The following CMTM2 variants were observed in gnomAD, a reference collection of about 807,000 sequenced individuals.
The protein encoded by CMTM2 is CKLF-like MARVEL transmembrane domain-containing protein 2.
In CMTM2, 15 loss-of-function variants were observed where a neutral mutation model predicts 16.8. The ratio of observed to expected loss-of-function variants is 0.89; its 90% CI spans 0.60 to 1.37. CMTM2 has a LOEUF of 1.37. Ranked by LOEUF, CMTM2 falls within the 40% of genes most tolerant of loss-of-function variation. The pLI, the probability that CMTM2 is intolerant of heterozygous loss-of-function variation, is 0.00. For missense variants in CMTM2, 282 were observed against 318.0 expected (o/e 0.89, Z 0.86); for synonymous variants, 117 against 118.7 (o/e 0.99, Z 0.09).
Position 66,588,075 on chromosome 16 carries a change from C to G in CMTM2, c.703C>G (p.Pro235Ala), listed in dbSNP as rs767327042. 6.2e-7 allele frequency: 1 copy of G among 1,613,250 alleles called. No individual in the cohort carries two copies. The highest frequency in any genetic ancestry group is 8.5e-7 in the Non-Finnish European group (1 of 1,180,028). ...QGKGPEPAKP[P>A]EPGKPPGPAK... ...CAAGGGACCAGAACCCGCCAAGCCA[C>G]CAGAACCTGGCAAGCCACCAGGGCC... Residue 235 changes from proline to alanine, a missense_variant, in exon 4 of 4, where the codon CCA becomes GCA. Coordinates refer to ENST00000268595, the MANE Select transcript of CMTM2 (RefSeq NM_144673.3).
At chr16:66,587,806 G>A in intron 3 of CMTM2, 113 bp from the exon 4 acceptor site, 1 of 1,037,768 alleles carries the variant, frequency 9.6e-7, no homozygotes. Flanking sequence ...TGACATTTGA[G>A]GGGACATGGG....
chr16:66,587,176 G>A, intron 3 of CMTM2, 78 bp downstream of exon 3: 1 of 1,161,604 alleles, frequency 8.6e-7, no homozygotes, highest in Non-Finnish European at 1.3e-6. Context: ...CTCTGTTTAA[G>A]GAAAGGGCTT....
Position 66,585,188 on chromosome 16 carries a change from C to T in CMTM2, c.445-1809C>T, listed in dbSNP as rs1245838938. 5.9e-5 allele frequency among the ~76,000 whole-genome samples: 9 copies of T among 152,246 alleles called. No homozygotes were observed. The East Asian group carries it at 1.4e-3, about 23-fold the overall frequency. On this transcript the variant is annotated intron_variant, in intron 2 of 3. Transcript: ENST00000268595. ...CTCGAACTCCCAACCTCAGGTGATC[C>T]GCCCGCCTCAGCCTCCCAAAGTGCT... is the stretch of plus-strand genomic sequence containing the variant.
intron 2 of CMTM2, among the ~76,000 whole-genome samples, chr16:66,586,348 T>G (rs139839586): frequency 6.6e-6 from 1 of 152,224 alleles, no homozygotes; most frequent in Non-Finnish European, 1.5e-5. Context: ...TTTATTTAAA[T>G]GTGTATTGGC....
chr16:66,579,822 G>A lies in CMTM2; in HGVS notation c.215G>A (p.Arg72Gln), dbSNP rs772287237. 14 of 1,613,758 alleles carry A rather than the reference G, an allele frequency of 8.7e-6. No homozygotes were observed. Among genetic ancestry groups the A allele is most frequent in the Middle Eastern group, 1.6e-4 (1 of 6,082 alleles). The change falls in exon 1 of 4, where the codon CGG becomes CAG. Residue 72 changes from arginine to glutamine, a missense_variant. Coordinates refer to ENST00000268595, the MANE Select transcript of CMTM2 (RefSeq NM_144673.3). This position sits in a 1 kb window ranked among gnomAD's most constrained non-coding sequence, Gnocchi z 6.5. ...VGTRRGCRRYRWELKDSNKEF... is the reference protein window; with the variant it reads ...VGTRRGCRRYQWELKDSNKEF... Reference sequence around the variant, plus strand: ...ACGAGGAGGGGGTGTCGCCGCTACCGGTGGGAATTAAAAGACAGCAATAAA... The same window carrying A: ...ACGAGGAGGGGGTGTCGCCGCTACCAGTGGGAATTAAAAGACAGCAATAAA...
intron 3 of CMTM2, 56 bp from the exon 4 acceptor site, chr16:66,587,854 CAGGAGGGAA>C: frequency 6.5e-7 from 1 of 1,528,612 alleles, no homozygotes; most frequent in Non-Finnish European, 9.0e-7. Flanking sequence ...AATGAGAAAC[CAGGAGGGAA>C]ACTCACCACC....
intron 2 of CMTM2, among the ~76,000 whole-genome samples, chr16:66,586,360 G>A (rs922019272): frequency 1.3e-5 from 2 of 152,140 alleles, no homozygotes; most frequent in Non-Finnish European, 2.9e-5. Flanking sequence ...TGTATTGGCT[G>A]GGCGCTGTGG....
intron 2 of CMTM2, among the ~76,000 whole-genome samples, chr16:66,584,754 G>A (rs1164744609): frequency 6.6e-6 from 1 of 152,066 alleles, no homozygotes; most frequent in Non-Finnish European, 1.5e-5. Context: ...GGAAGGGAGG[G>A]AGAGAGACAG....
rs1567382495 is a variant in CMTM2, at chr16:66,579,824, T to C, written c.217T>C (p.Trp73Arg). ...GAGGAGGGGGTGTCGCCGCTACCGG[T>C]GGGAATTAAAAGACAGCAATAAAGA... is the stretch of plus-strand genomic sequence containing the variant. ...GTRRGCRRYR[W>R]ELKDSNKEFW... The change falls in exon 1 of 4, where the codon TGG becomes CGG. Residue 73 changes from tryptophan to arginine, a missense_variant. Transcript: ENST00000268595. This position sits in a 1 kb window ranked among gnomAD's most constrained non-coding sequence, Gnocchi z 6.5. The C allele has an allele frequency of 6.2e-7, 1 of 1,612,024 alleles. No individual in the cohort carries two copies. The highest frequency in any genetic ancestry group is 1.3e-5 in the African/African-American group (1 of 74,158).
chr16:66,582,128 A>C (rs2014742390), intron 2 of CMTM2, among the ~76,000 whole-genome samples: 1 of 152,254 alleles, frequency 6.6e-6, no homozygotes, highest in Non-Finnish European at 1.5e-5. Flanking sequence ...AGCTGTCTGA[A>C]AATAATAATA....
intron 2 of CMTM2, among the ~76,000 whole-genome samples, chr16:66,583,477 G>A (rs1403339718): frequency 4.0e-5 from 6 of 151,564 alleles, no homozygotes; most frequent in African/African-American, 9.7e-5. Context: ...GGGTGACAGA[G>A]CGAGACTGTC....
intron 2 of CMTM2, among the ~76,000 whole-genome samples, chr16:66,583,096 G>C (rs1034568730): frequency 3.9e-5 from 6 of 152,196 alleles, no homozygotes; most frequent in Admixed American, 6.5e-5. Context: ...GAAAATCTAA[G>C]AGAATCTACA....
rs749149673 is a variant in CMTM2, at chr16:66,580,068, G to A, written c.328G>A (p.Val110Met). 23 of 1,614,056 alleles carry A rather than the reference G, an allele frequency of 1.4e-5. No individual in the cohort carries two copies. The highest frequency in any genetic ancestry group is 2.2e-5 in the East Asian group (1 of 44,886). Reference sequence around the variant, plus strand: ...AATGATACTGTTGTCCTCACTCACCGTGCACCCCATCTTGAGGCTTATCAT... The same window carrying A: ...AATGATACTGTTGTCCTCACTCACCATGCACCCCATCTTGAGGCTTATCAT... The part of the protein sequence containing the change: ...AAMILLSSLT[V>M]HPILRLIITM... Residue 110 changes from valine to methionine, a missense_variant, in exon 2 of 4, where the codon GTG becomes ATG. By Grantham distance (21) the Val-to-Met change is conservative (BLOSUM62 1). Transcript: ENST00000268595.
chr16:66,583,327 A>G (rs2014756236), intron 2 of CMTM2, among the ~76,000 whole-genome samples: 1 of 152,152 alleles, frequency 6.6e-6, no homozygotes, highest in African/African-American at 2.4e-5. Context: ...CACCAGCTCT[A>G]CTAAAAATAC....
intron 2 of CMTM2, among the ~76,000 whole-genome samples, chr16:66,584,344 T>TAAG (rs71691538): frequency 0.062 from 9,496 of 152,208 alleles, 463 homozygotes; most frequent in East Asian, 0.12. Context: ...AGTATCTTTA[T>TAAG]AAGAGAGCAG....
At chr16:66,587,356 C>A (rs908385412) in intron 3 of CMTM2, among the ~76,000 whole-genome samples, 4 of 151,924 alleles carry the variant, frequency 2.6e-5, no homozygotes, top group Non-Finnish European at 4.4e-5. Context: ...TACAAAAACA[C>A]AAAATTTACA....
chr16:66,583,535 C>T (rs1032448707), intron 2 of CMTM2, among the ~76,000 whole-genome samples: 1 of 150,334 alleles, frequency 6.7e-6, no homozygotes, highest in Non-Finnish European at 1.5e-5. Flanking sequence ...AAAACAGCAA[C>T]ACAAACTACA....
chr16:66,585,414 A>G, intron 2 of CMTM2, among the ~76,000 whole-genome samples: 1 of 152,246 alleles, frequency 6.6e-6, no homozygotes, highest in East Asian at 1.9e-4. Context: ...GTTAAAATTA[A>G]TAAATCTATA....
At chr16:66,585,546 T>C (rs939156252) in intron 2 of CMTM2, among the ~76,000 whole-genome samples, 5 of 152,186 alleles carry the variant, frequency 3.3e-5, no homozygotes, top group South Asian at 2.1e-4. Context: ...TTTATAAATA[T>C]ATAATATGTA....
Sources: gnomAD v4.1 joint callset for allele counts (sites outside exome capture counted in the v4.1 genomes callset) on GRCh38, gnomAD v4.1.1 for gene constraint, Gnocchi (gnomAD v3.1) non-coding constraint, MANE v1.5 for transcripts, NCBI Gene and HGNC (gene_info 2026-07-23, HGNC 2026-07-21) for gene names.